Variants in NRXN3 observed in about 807,000 individuals in gnomAD.
NRXN3 encodes neurexin 3.
A neutral mutation model predicts 137.6 loss-of-function variants in NRXN3; 32 were observed. The observed-to-expected ratio is 0.23, with a 90% CI of 0.18 to 0.31. The LOEUF (loss-of-function observed/expected upper bound fraction) is 0.31, where lower values mean the gene tolerates loss of function less well. NRXN3 is among the 10% of genes least tolerant of loss of function. NRXN3 has a pLI of 1.00. For synonymous variants in NRXN3, 798 were observed against 784.5 expected (o/e 1.02, Z -0.29); for missense variants, 1,574 against 2,062.5 (o/e 0.76, Z 4.59).
At chr14:79,680,431 A>T (rs1005361365) in intron 17 of NRXN3, among the ~76,000 whole-genome samples, 1 of 149,240 alleles carries the variant, frequency 6.7e-6, no homozygotes, top group African/African-American at 2.5e-5. Context: ...CAAGGTTGCA[A>T]GGTAGGACTG....
At chr14:79,677,841 T>G (rs1431680870) in intron 17 of NRXN3, among the ~76,000 whole-genome samples, 2 of 152,144 alleles carry the variant, frequency 1.3e-5, no homozygotes, top group East Asian at 3.9e-4. Context: ...TTTCCAGTAG[T>G]TGTATGTAAT....
intron 16 of NRXN3, among the ~76,000 whole-genome samples, chr14:79,590,238 T>A (rs2097791763): frequency 6.6e-6 from 1 of 151,920 alleles, no homozygotes; most frequent in Non-Finnish European, 1.5e-5. Flanking sequence ...CTCATAATAT[T>A]GAATAAGTCT....
At chr14:79,541,443 A>G (rs531948019) in intron 16 of NRXN3, among the ~76,000 whole-genome samples, 1 of 152,344 alleles carries the variant, frequency 6.6e-6, no homozygotes, top group African/African-American at 2.4e-5. Flanking sequence ...GAGCCCACCT[A>G]GATAATCCAG....
At chr14:79,044,614 A>G (rs1235587124) in intron 15 of NRXN3, among the ~76,000 whole-genome samples, 1 of 152,232 alleles carries the variant, frequency 6.6e-6, no homozygotes, top group East Asian at 1.9e-4. Context: ...AACATAGTTG[A>G]CTTGTTATAA....
intron 15 of NRXN3, among the ~76,000 whole-genome samples, chr14:79,291,223 A>G (rs543263949): frequency 1.3e-5 from 2 of 152,352 alleles, no homozygotes; most frequent in South Asian, 2.1e-4. Context: ...CTATTTTCAT[A>G]AGAATGACAA....
At chr14:78,626,780 A>G (rs888578029) in intron 4 of NRXN3, among the ~76,000 whole-genome samples, 2 of 152,202 alleles carry the variant, frequency 1.3e-5, no homozygotes, top group Non-Finnish European at 2.9e-5. Flanking sequence ...TATTGAAAAA[A>G]GGAGATTGTC....
chr14:79,847,520 A>C (rs1476783601), intron 20 of NRXN3, among the ~76,000 whole-genome samples: 1 of 152,154 alleles, frequency 6.6e-6, no homozygotes, highest in Non-Finnish European at 1.5e-5. Flanking sequence ...CTGGGGCCTC[A>C]CTTTTCTTAT....
intron 4 of NRXN3, among the ~76,000 whole-genome samples, chr14:78,391,232 G>A (rs78984479): frequency 0.027 from 4,183 of 152,254 alleles, 72 homozygotes; most frequent in Middle Eastern, 0.051. Flanking sequence ...ATCTGGATTA[G>A]CTGAGGGCTC....
At chr14:78,537,008 G>A (rs1489469250) in intron 4 of NRXN3, among the ~76,000 whole-genome samples, 1 of 151,998 alleles carries the variant, frequency 6.6e-6, no homozygotes, top group Admixed American at 6.5e-5. Context: ...GTCTATCATT[G>A]ATGGACATTT....
chr14:79,210,078 G>A (rs2067419263), intron 15 of NRXN3, among the ~76,000 whole-genome samples: 4 of 152,104 alleles, frequency 2.6e-5, no homozygotes, highest in Admixed American at 2.6e-4. Context: ...AGATAAGTTT[G>A]GTAGAACTTT....
At chr14:78,328,506 G>C (rs78945611) in intron 4 of NRXN3, among the ~76,000 whole-genome samples, 22,565 of 152,100 alleles carry the variant, frequency 0.15, 1,866 homozygotes, top group East Asian at 0.38. Flanking sequence ...TGAAACAAGA[G>C]CTTGTCTCTG....
At chr14:79,126,841 T>C (rs1327471572) in intron 15 of NRXN3, among the ~76,000 whole-genome samples, 2 of 152,116 alleles carry the variant, frequency 1.3e-5, no homozygotes, top group Admixed American at 6.5e-5. Flanking sequence ...CACCTGTTGT[T>C]TCCTGACTTT....
chr14:79,377,806 T>C (rs1315192452), intron 15 of NRXN3, among the ~76,000 whole-genome samples: 1 of 152,154 alleles, frequency 6.6e-6, no homozygotes, highest in Non-Finnish European at 1.5e-5. Context: ...TAGGTTTGTA[T>C]TGGTGTTCAG....
At chr14:79,776,816 C>G (rs1568215075) in intron 19 of NRXN3, among the ~76,000 whole-genome samples, 1 of 152,182 alleles carries the variant, frequency 6.6e-6, no homozygotes, top group East Asian at 1.9e-4. Flanking sequence ...AGTGGCATCA[C>G]TTTGTACTCC....
intron 10 of NRXN3, among the ~76,000 whole-genome samples, chr14:78,936,509 C>A (rs889509732): frequency 9.2e-5 from 14 of 152,136 alleles, no homozygotes; most frequent in Admixed American, 5.9e-4. Context: ...GAAAACAGAA[C>A]CCTGGCTGCT....
intron 15 of NRXN3, among the ~76,000 whole-genome samples, chr14:79,018,648 T>G (rs2099583845): frequency 6.6e-6 from 1 of 152,230 alleles, no homozygotes; most frequent in Non-Finnish European, 1.5e-5. Context: ...GCAGAATGAA[T>G]AAGCAAAATC....
chr14:79,354,269 A>G (rs561222110), intron 15 of NRXN3, among the ~76,000 whole-genome samples: 9 of 152,330 alleles, frequency 5.9e-5, no homozygotes, highest in South Asian at 4.1e-4. Context: ...AGAAACCTAA[A>G]ATACACTAGT....
chr14:78,239,711 C>CT (rs113291311), intron 1 of NRXN3, among the ~76,000 whole-genome samples: 2,511 of 151,424 alleles, frequency 0.017, 39 homozygotes, highest in East Asian at 0.031. Flanking sequence ...TTCTTTCTTT[C>CT]TTTTTTTTTG....
chr14:79,302,845 C>A (rs1287842907), intron 15 of NRXN3, among the ~76,000 whole-genome samples: 4 of 151,872 alleles, frequency 2.6e-5, no homozygotes, highest in African/African-American at 9.7e-5. Context: ...TACCTCATTT[C>A]TTTATAAATT....
Sources: allele counts gnomAD v4.1 joint callset (sites outside exome capture counted in the v4.1 genomes callset), GRCh38; gene constraint gnomAD v4.1.1; transcripts MANE v1.5; gene names NCBI Gene and HGNC (gene_info 2026-07-23, HGNC 2026-07-21).